Variants in CEP89 observed in about 807,000 individuals in gnomAD.
CEP89 encodes centrosomal protein of 89 kDa.
In CEP89, 95 loss-of-function variants were observed where a neutral mutation model predicts 97.6. The ratio of observed to expected loss-of-function variants is 0.97; its 90% CI spans 0.82 to 1.15. The LOEUF (loss-of-function observed/expected upper bound fraction) is 1.15, where lower values mean the gene tolerates loss of function less well. Among genes scored for constraint, CEP89 ranks in the 50% most tolerant of loss-of-function variants. The pLI is 0.00. For missense variants in CEP89, 869 were observed against 947.7 expected (o/e 0.92, Z 1.09); for synonymous variants, 354 against 349.1 (o/e 1.01, Z -0.16).
At chr19:32,883,094 C>T (rs1969319487) in intron 17 of CEP89, among the ~76,000 whole-genome samples, 1 of 151,842 alleles carries the variant, frequency 6.6e-6, no homozygotes, top group African/African-American at 2.4e-5. Context: ...AATCTCCTGA[C>T]CTCGCGATCC....
intron 14 of CEP89, among the ~76,000 whole-genome samples, chr19:32,901,990 C>CTG (rs1969783010): frequency 3.4e-5 from 4 of 119,298 alleles, no homozygotes; most frequent in Non-Finnish European, 5.3e-5. Flanking sequence ...ATGTCTCTGT[C>CTG]TCTCTGTCTC....
chr19:32,899,716 A>G, intron 16 of CEP89, 141 bp downstream of exon 16: 1 of 745,704 alleles, frequency 1.3e-6, no homozygotes, highest in Non-Finnish European at 2.1e-6. Flanking sequence ...CATAAAGTCG[A>G]AAATTCCTAG....
chr19:32,923,559 G>A lies in CEP89; in HGVS notation c.1165-17C>T, dbSNP rs186381127. 6.9e-5 allele frequency: 101 copies of A among 1,467,278 alleles called. No homozygotes were observed. In the East Asian group the frequency reaches 1.4e-3, roughly 20 times the overall value. 90.9% of individuals were successfully genotyped at this position (1,467,278 alleles called of 1,614,324 possible). A position where few individuals can be genotyped will look rare whatever the true frequency, so the allele number is the denominator to read the frequency against. On this transcript the variant is annotated splice_polypyrimidine_tract_variant and intron_variant, in intron 11 of 18. Coordinates refer to ENST00000305768, the MANE Select transcript of CEP89 (RefSeq NM_032816.5). ...CATTTCCTCCTGAAATAAAATGTAC[G>A]TAAATTATAACACACACATACCCAC...
At chr19:32,900,054 G>A in intron 15 of CEP89, 56 bp from the exon 16 acceptor site, 1 of 1,524,914 alleles carries the variant, frequency 6.6e-7, no homozygotes, top group Non-Finnish European at 9.1e-7. Flanking sequence ...CATGGCTAGG[G>A]CATGGTGAAT....
intron 14 of CEP89, among the ~76,000 whole-genome samples, chr19:32,906,580 A>G (rs941912693): frequency 6.6e-6 from 1 of 151,802 alleles, no homozygotes; most frequent in Non-Finnish European, 1.5e-5. Context: ...ATTTACTTTC[A>G]TTTTACTTCC....
intron 2 of CEP89, 130 bp from the exon 3 acceptor site, chr19:32,960,188 A>G (rs1971137874): frequency 2.3e-6 from 2 of 858,114 alleles, no homozygotes; most frequent in South Asian, 3.4e-5. Context: ...CTCTGCACCC[A>G]TCATCTACCG....
rs1970591288 is a variant in CEP89, at chr19:32,936,872, C to A, written c.667+759G>T. ...GAGAGGAGCCATCGACTCCAGGGGA[C>A]CTCCTCTCTGCTGAGAGCTGAACAC... On this transcript the variant is annotated intron_variant, in intron 7 of 18. Transcript: ENST00000305768. The surrounding 1 kb of genome is among the most constrained non-coding windows in gnomAD (Gnocchi z 4.5). The A allele has an allele frequency of 6.6e-6, 1 of 152,294 alleles. No individual in the cohort carries two copies. Among genetic ancestry groups the A allele is most frequent in the African/African-American group, 2.4e-5 (1 of 41,422 alleles). The allele number at this position is 152,294 out of a possible 1,614,324, so 9.4% of individuals were successfully genotyped here. A position where few individuals can be genotyped will look rare whatever the true frequency, so the allele number is the denominator to read the frequency against.
chr19:32,920,546 C>T (rs191965526), intron 12 of CEP89, among the ~76,000 whole-genome samples: 13 of 151,886 alleles, frequency 8.6e-5, no homozygotes, highest in East Asian at 3.9e-4. Flanking sequence ...TGCAGTGGCA[C>T]GATCTAGGCT....
intron 15 of CEP89, 38 bp downstream of exon 15, chr19:32,901,207 G>GA (rs748558193): frequency 6.3e-7 from 1 of 1,595,126 alleles, no homozygotes; most frequent in East Asian, 2.2e-5. Context: ...TTTAACTATT[G>GA]AAAATAAAAG....
intron 5 of CEP89, among the ~76,000 whole-genome samples, chr19:32,945,492 C>T (rs1164194336): frequency 6.6e-6 from 1 of 152,096 alleles, no homozygotes; most frequent in Non-Finnish European, 1.5e-5. Context: ...CACGGCCTCT[C>T]ATCTCCAAAT....
At chr19:32,945,424 C>T (rs576705652) in intron 5 of CEP89, among the ~76,000 whole-genome samples, 160 of 152,274 alleles carry the variant, frequency 1.1e-3, no homozygotes, top group African/African-American at 3.7e-3. Context: ...GCAGGAGCTG[C>T]AATCCCTCCC....
chr19:32,939,926 A>T (rs767849277), intron 5 of CEP89, 41 bp from the exon 6 acceptor site: 1 of 932,490 alleles, frequency 1.1e-6, no homozygotes, highest in Non-Finnish European at 1.7e-6. Flanking sequence ...TTTAAAGTAG[A>T]TAATGAAATA....
chr19:32,959,306 T>C (rs1971116318), intron 3 of CEP89, among the ~76,000 whole-genome samples: 1 of 151,992 alleles, frequency 6.6e-6, no homozygotes, highest in African/African-American at 2.4e-5. Context: ...CCCACAAAGA[T>C]CATGCCTAGC....
intron 7 of CEP89, among the ~76,000 whole-genome samples, chr19:32,934,799 G>A (rs868523583): frequency 6.6e-6 from 1 of 152,096 alleles, no homozygotes; most frequent in South Asian, 2.1e-4. Flanking sequence ...GGTAGGAGTG[G>A]AGACACAAAG....
intron 17 of CEP89, among the ~76,000 whole-genome samples, chr19:32,883,459 G>A (rs1425483720): frequency 1.3e-5 from 2 of 152,008 alleles, no homozygotes; most frequent in Non-Finnish European, 2.9e-5. Flanking sequence ...TTCGAGACCA[G>A]CCTGGTCAGG....
chr19:32,886,325 A>C (rs1333480826), intron 17 of CEP89, among the ~76,000 whole-genome samples: 2 of 152,012 alleles, frequency 1.3e-5, no homozygotes, highest in African/African-American at 4.8e-5. Flanking sequence ...GGAGGGTGGG[A>C]GCGACAGTTG....
At chr19:32,945,161 G>A (rs1970769530) in intron 5 of CEP89, among the ~76,000 whole-genome samples, 1 of 152,010 alleles carries the variant, frequency 6.6e-6, no homozygotes, top group Admixed American at 6.6e-5. Context: ...GTGCATGCCT[G>A]TAATCCCAGC....
At chr19:32,910,308 AG>A (rs1969973863) in intron 14 of CEP89, among the ~76,000 whole-genome samples, 1 of 141,398 alleles carries the variant, frequency 7.1e-6, no homozygotes, top group Non-Finnish European at 1.6e-5. Flanking sequence ...AGAGGGAGGG[AG>A]GGAGGGAGAG....
intron 15 of CEP89, 146 bp from the exon 16 acceptor site, chr19:32,900,144 G>T: frequency 1.4e-6 from 1 of 710,416 alleles, no homozygotes; most frequent in Non-Finnish European, 2.3e-6. Flanking sequence ...TAAGTTTCAA[G>T]GTGAGAAGAG....
Sources: allele counts gnomAD v4.1 joint callset (sites outside exome capture counted in the v4.1 genomes callset), GRCh38; gene constraint gnomAD v4.1.1; non-coding constraint Gnocchi (gnomAD v3.1); transcripts MANE v1.5; gene names NCBI Gene and HGNC (gene_info 2026-07-23, HGNC 2026-07-21).